The following CMTM7 variants were observed in gnomAD, a reference collection of about 807,000 sequenced individuals.
The protein encoded by CMTM7 is CKLF like MARVEL transmembrane domain containing 7.
CMTM7 carries 7 observed loss-of-function variants against 19.3 expected under a neutral mutation model. That is an observed-to-expected ratio of 0.36 (90% CI 0.21 to 0.68). The LOEUF is 0.68. Ranked by LOEUF, CMTM7 falls within the 30% of genes least tolerant of loss-of-function variation. The pLI is 0.60. For synonymous variants in CMTM7, 87 were observed against 99.3 expected (o/e 0.88, Z 0.74); for missense variants, 193 against 232.6 (o/e 0.83, Z 1.11).
rs147878629 is a variant in CMTM7 at position 32,418,692 on chromosome 3, A to G, written c.160-23148A>G. On this transcript the variant is annotated intron_variant, in intron 1 of 4. Coordinates refer to ENST00000334983, the MANE Select transcript of CMTM7 (RefSeq NM_138410.4). The stretch of plus-strand genomic sequence containing the variant: ...ACTGAATTACTTTACACTTCTCTCA[A>G]AAGACCAGCTGATTATATTCATATG... Among the ~76,000 whole-genome samples the G allele has an allele frequency of 2.5e-4, 38 of 152,304 alleles. No individual in the cohort carries two copies. The East Asian group carries it at 6.6e-3, about 26-fold the overall frequency.
intron 1 of CMTM7, among the ~76,000 whole-genome samples, chr3:32,422,837 A>G (rs1057119581): frequency 6.6e-6 from 1 of 152,252 alleles, no homozygotes; most frequent in Non-Finnish European, 1.5e-5. Context: ...CACTTACATT[A>G]GCCTACAGTT....
At chr3:32,400,844 A>C (rs975989157) in intron 1 of CMTM7, among the ~76,000 whole-genome samples, 1 of 152,180 alleles carries the variant, frequency 6.6e-6, no homozygotes, top group Non-Finnish European at 1.5e-5. Flanking sequence ...TTCTACCTGC[A>C]TACAAAGGAG....
At chr3:32,409,520 C>T (rs1216882760) in intron 1 of CMTM7, among the ~76,000 whole-genome samples, 2 of 152,102 alleles carry the variant, frequency 1.3e-5, no homozygotes, top group African/African-American at 2.4e-5. Flanking sequence ...TGCCATTGAC[C>T]CACTAATGTC....
intron 3 of CMTM7, chr3:32,451,181 C>T (rs1429349442): frequency 2.0e-5 from 3 of 152,200 alleles, no homozygotes; most frequent in Non-Finnish European, 4.4e-5. Context: ...GAAAAGAAAC[C>T]CGGGGAAGAA....
chr3:32,415,195 A>AAAT (rs141290896), intron 1 of CMTM7, among the ~76,000 whole-genome samples: 8,143 of 151,436 alleles, frequency 0.054, 269 homozygotes, highest in East Asian at 0.12. Flanking sequence ...CTCTGTCTCA[A>AAAT]AATAATAATA....
Position 32,449,963 on chromosome 3 carries a change from C to A in CMTM7, c.432+411C>A, listed in dbSNP as rs1401202504. 6.6e-6 allele frequency among the ~76,000 whole-genome samples: 1 copy of A among 152,184 alleles called. No individual in the cohort carries two copies. Among genetic ancestry groups the A allele is most frequent in the Non-Finnish European group, 1.5e-5 (1 of 68,022 alleles). On this transcript the variant is annotated intron_variant, in intron 3 of 4. Coordinates refer to ENST00000334983, the MANE Select transcript of CMTM7 (RefSeq NM_138410.4). This position sits in a 1 kb window ranked among gnomAD's most constrained non-coding sequence, Gnocchi z 4.5. Reference sequence around the variant, plus strand: ...TAGAGATACATGCCATGAGCCTGAGCTTTGCCATTCCTGATTTTTAACAGT... The same window carrying A: ...TAGAGATACATGCCATGAGCCTGAGATTTGCCATTCCTGATTTTTAACAGT...
In CMTM7 at chr3:32,452,618, A is replaced by G; in HGVS notation, c.514+145A>G. 5 of 737,052 alleles carry G rather than the reference A, an allele frequency of 6.8e-6. No homozygotes were observed. The Middle Eastern group carries it at 1.2e-3, about 183-fold the overall frequency. The allele number at this position is 737,052 out of a possible 1,614,324, so 45.7% of individuals were successfully genotyped here. A position where few individuals can be genotyped will look rare whatever the true frequency, so the allele number is the denominator to read the frequency against. ...GAAGTAGTATTAGAGCACAGGGGCC[A>G]GCAAAGGGGAAGATGTGACCCCAGA... On this transcript the variant is annotated intron_variant, in intron 4 of 4. Transcript: ENST00000334983.
At chr3:32,438,227 C>G (rs952686189) in intron 1 of CMTM7, among the ~76,000 whole-genome samples, 2 of 152,312 alleles carry the variant, frequency 1.3e-5, no homozygotes, top group African/African-American at 4.8e-5. Context: ...GATAAACACC[C>G]CAGCGCCTTT....
At chr3:32,433,676 G>A (rs551815543) in intron 1 of CMTM7, among the ~76,000 whole-genome samples, 1 of 152,326 alleles carries the variant, frequency 6.6e-6, no homozygotes, top group East Asian at 1.9e-4. Context: ...ACAGACCAGT[G>A]AAGGAAGGAG....
At chr3:32,397,685 G>C (rs184335610) in intron 1 of CMTM7, among the ~76,000 whole-genome samples, 71 of 151,578 alleles carry the variant, frequency 4.7e-4, no homozygotes, top group African/African-American at 1.5e-3. Flanking sequence ...GGTGAGCCGA[G>C]ATCGCAGCAT....
At chr3:32,437,928 A>T (rs1011900483) in intron 1 of CMTM7, among the ~76,000 whole-genome samples, 4 of 152,202 alleles carry the variant, frequency 2.6e-5, no homozygotes, top group African/African-American at 9.7e-5. Context: ...CTGGACATTT[A>T]TGTTAGATAT....
chr3:32,444,881 G>C (rs947727474), intron 2 of CMTM7, among the ~76,000 whole-genome samples: 7 of 152,144 alleles, frequency 4.6e-5, no homozygotes, highest in African/African-American at 1.7e-4. Context: ...CTCCCAAAAT[G>C]CTGGGACTAC....
intron 1 of CMTM7, among the ~76,000 whole-genome samples, chr3:32,413,633 T>C (rs1696213695): frequency 6.6e-6 from 1 of 152,216 alleles, no homozygotes; most frequent in Non-Finnish European, 1.5e-5. Context: ...CAAATAACTC[T>C]CAAATGTTAC....
At chr3:32,414,009 G>A (rs903166932) in intron 1 of CMTM7, among the ~76,000 whole-genome samples, 2 of 152,122 alleles carry the variant, frequency 1.3e-5, no homozygotes, top group African/African-American at 4.8e-5. Flanking sequence ...GGAAGGCCTG[G>A]TCTGCTTGCT....
At chr3:32,442,442 G>C (rs1038874173) in intron 2 of CMTM7, among the ~76,000 whole-genome samples, 88 of 145,226 alleles carry the variant, frequency 6.1e-4, no homozygotes, top group African/African-American at 2.2e-3. Flanking sequence ...GGAGCTTGCA[G>C]TGAGCCGAGA....
chr3:32,432,525 C>T (rs1408222965), intron 1 of CMTM7, among the ~76,000 whole-genome samples: 1 of 152,204 alleles, frequency 6.6e-6, no homozygotes, highest in Non-Finnish European at 1.5e-5. Flanking sequence ...GCTATGGCAA[C>T]AAGAGGCAGC....
intron 1 of CMTM7, among the ~76,000 whole-genome samples, chr3:32,410,859 A>G (rs1256618370): frequency 6.6e-6 from 1 of 152,262 alleles, no homozygotes; most frequent in Non-Finnish European, 1.5e-5. Flanking sequence ...CTGTCAGCTC[A>G]TCAAGCTCTC....
At chr3:32,417,815 T>A (rs898050290) in intron 1 of CMTM7, among the ~76,000 whole-genome samples, 1 of 136,030 alleles carries the variant, frequency 7.4e-6, no homozygotes, top group Non-Finnish European at 1.6e-5. Context: ...TTGTTTTTGG[T>A]TTTTTTTTTG....
chr3:32,452,572 C>T lies in CMTM7; in HGVS notation c.514+99C>T, dbSNP rs180936995. 5.5e-5 allele frequency: 69 copies of T among 1,255,324 alleles called. 1 individual carries two copies. The highest frequency in any genetic ancestry group is 4.1e-4 in the Admixed American group (24 of 58,422). The allele number at this position is 1,255,324 out of a possible 1,614,324, so 77.8% of individuals were successfully genotyped here. On this transcript the variant is annotated intron_variant, in intron 4 of 4. Coordinates refer to ENST00000334983, the MANE Select transcript of CMTM7 (RefSeq NM_138410.4). ...GGGACAAACCCTGCTGTTGAGAAGG[C>T]TGTGTTCCAAGGGGACTTTAGAAGT...
Sources: allele counts gnomAD v4.1 joint callset (sites outside exome capture counted in the v4.1 genomes callset), GRCh38; gene constraint gnomAD v4.1.1; non-coding constraint Gnocchi (gnomAD v3.1); transcripts MANE v1.5; gene names NCBI Gene and HGNC (gene_info 2026-07-23, HGNC 2026-07-21).